Variants in COL22A1 observed in about 807,000 individuals in gnomAD.
The protein encoded by COL22A1 is collagen alpha-1(XXII) chain.
Under a neutral mutation model 248.9 loss-of-function variants are expected in COL22A1, and 221 were observed. That is an observed-to-expected ratio of 0.89 (90% CI 0.80 to 0.99). The LOEUF (loss-of-function observed/expected upper bound fraction) is 0.99. Ranked by LOEUF, COL22A1 falls within the 50% of genes least tolerant of loss-of-function variation. The probability of loss-of-function intolerance (pLI) is 0.00; values close to 1 mark genes in which losing one functional copy is unlikely to be tolerated. For synonymous variants in COL22A1, 891 were observed against 793.4 expected (o/e 1.12, Z -2.07); for missense variants, 2,240 against 2,179.0 (o/e 1.03, Z -0.56).
chr8:138,756,004 G>C (rs1832972539), intron 18 of COL22A1, among the ~76,000 whole-genome samples, 175 bp from the exon 19 acceptor site: 1 of 152,126 alleles, frequency 6.6e-6, no homozygotes, highest in Admixed American at 6.5e-5. Context: ...CAAAGTTCGG[G>C]TTCTGATCCT....
chr8:138,903,793 C>T (rs1587007737), intron 1 of COL22A1, among the ~76,000 whole-genome samples: 1 of 152,272 alleles, frequency 6.6e-6, no homozygotes, highest in East Asian at 1.9e-4. Flanking sequence ...GGCCCCACAT[C>T]CCCCTGGATG....
chr8:138,684,393 G>T (rs764601121), intron 39 of COL22A1, 32 bp downstream of exon 39: 1 of 1,530,812 alleles, frequency 6.5e-7, no homozygotes, highest in South Asian at 1.1e-5. Context: ...GGCAACTCGT[G>T]GCACCCACAG....
intron 12 of COL22A1, among the ~76,000 whole-genome samples, chr8:138,793,208 A>C (rs78110007): frequency 0.026 from 3,939 of 152,314 alleles, 97 homozygotes; most frequent in African/African-American, 0.061. Flanking sequence ...ATTACTTTGG[A>C]GACAACGGTC....
intron 4 of COL22A1, among the ~76,000 whole-genome samples, chr8:138,835,642 G>T (rs1463572454): frequency 6.6e-6 from 1 of 152,148 alleles, no homozygotes; most frequent in Admixed American, 6.5e-5. Context: ...CTGAACATAG[G>T]GCCTCACTCT....
chr8:138,878,291 C>T lies in COL22A1; in HGVS notation c.117G>A (p.Leu39=). The T allele has an allele frequency of 4.5e-6, 7 of 1,564,874 alleles. No individual in the cohort carries two copies. The highest frequency in any genetic ancestry group is 6.1e-6 in the Non-Finnish European group (7 of 1,154,776). The part of the protein sequence containing the change: ...RAGCKSVHYD[L]VFLLDTSSSV... ...TGGAGGAGGTGTCCAGGAGGAAGACCAGATCGTAGTGGACACTTTTGCAAC... is the reference window on the plus strand; with the variant it reads ...TGGAGGAGGTGTCCAGGAGGAAGACTAGATCGTAGTGGACACTTTTGCAAC... Residue 39 remains leucine (L), a synonymous_variant, in exon 3 of 65, where the codon CTG becomes CTA. Coordinates refer to ENST00000303045, the MANE Select transcript of COL22A1 (RefSeq NM_152888.3).
intron 36 of COL22A1, among the ~76,000 whole-genome samples, chr8:138,689,947 G>T (rs1475005603): frequency 2.0e-5 from 3 of 152,214 alleles, no homozygotes; most frequent in Non-Finnish European, 4.4e-5. Context: ...CTCCCAGCCA[G>T]AAGAATGCAG....
intron 47 of COL22A1, 85 bp downstream of exon 47, chr8:138,646,544 C>T: frequency 9.3e-7 from 1 of 1,072,142 alleles, no homozygotes; most frequent in Non-Finnish European, 1.3e-6. Flanking sequence ...CTCCTTTACA[C>T]TGGCCATCAC....
chr8:138,685,932 C>T (rs1826314261), intron 37 of COL22A1, among the ~76,000 whole-genome samples: 1 of 152,150 alleles, frequency 6.6e-6, no homozygotes, highest in Admixed American at 6.5e-5. Context: ...CCAGTGCGGG[C>T]AAATCTATTT....
chr8:138,767,125 T>A (rs1034445954), intron 16 of COL22A1, among the ~76,000 whole-genome samples: 2 of 152,212 alleles, frequency 1.3e-5, no homozygotes, highest in Non-Finnish European at 2.9e-5. Flanking sequence ...ATAATATTAA[T>A]ACTTACCCAG....
At chr8:138,897,255 A>G (rs1038309087) in intron 1 of COL22A1, among the ~76,000 whole-genome samples, 1 of 152,082 alleles carries the variant, frequency 6.6e-6, no homozygotes, top group African/African-American at 2.4e-5. Flanking sequence ...CCTTCCACAA[A>G]TAATAGCTTA....
chr8:138,667,610 A>C (rs1302830353), intron 41 of COL22A1, among the ~76,000 whole-genome samples: 2 of 152,356 alleles, frequency 1.3e-5, no homozygotes, highest in Non-Finnish European at 2.9e-5. Flanking sequence ...CAAGGGAAAG[A>C]CTTCAAGCAT....
At chr8:138,647,777 T>C (rs1459551145) in intron 46 of COL22A1, among the ~76,000 whole-genome samples, 1 of 152,132 alleles carries the variant, frequency 6.6e-6, no homozygotes, top group African/African-American at 2.4e-5. Context: ...GTAGCAGTTG[T>C]AGTAAACACA....
In COL22A1 at chr8:138,598,665, C is replaced by T. The variant is rs559937350; in HGVS notation, c.4365+54G>A. On this transcript the variant is annotated intron_variant, in intron 61 of 64. Transcript: ENST00000303045. ...CTCTGAAGTCCACACACTTCCCTGGCTCCCCCTTAGGCCCCGAGGAGCCCC... is the reference window on the plus strand; with the variant it reads ...CTCTGAAGTCCACACACTTCCCTGGTTCCCCCTTAGGCCCCGAGGAGCCCC... 180 of 1,532,650 alleles carry T rather than the reference C, an allele frequency of 1.2e-4. 2 individuals are homozygous for T. In the South Asian group the frequency reaches 1.9e-3, roughly 16 times the overall value. 94.9% of individuals were successfully genotyped at this position (1,532,650 alleles called of 1,614,324 possible).
intron 34 of COL22A1, 62 bp downstream of exon 34, chr8:138,694,446 G>C: frequency 3.3e-6 from 5 of 1,521,668 alleles, no homozygotes; most frequent in Non-Finnish European, 4.6e-6. Flanking sequence ...GGCCTGGAGC[G>C]AGAGAGTGTG....
chr8:138,728,108 C>T (rs1830457464), intron 23 of COL22A1, among the ~76,000 whole-genome samples: 1 of 152,214 alleles, frequency 6.6e-6, no homozygotes, highest in Admixed American at 6.5e-5. Flanking sequence ...TCATAGCTCA[C>T]TGCAGCCTCC....
intron 3 of COL22A1, among the ~76,000 whole-genome samples, chr8:138,862,040 A>AAAAAAAAAG (rs1822515998): frequency 4.8e-5 from 7 of 146,952 alleles, no homozygotes; most frequent in African/African-American, 1.8e-4. Context: ...AAAAAAAAAA[A>AAAAAAAAAG]AAAAAAAGAA....
chr8:138,636,291 G>C lies in COL22A1; in HGVS notation c.3555+451C>G, dbSNP rs574298466. On this transcript the variant is annotated intron_variant, in intron 48 of 64. Transcript: ENST00000303045. The stretch of plus-strand genomic sequence containing the variant: ...GCACATTAGGAGCAGTGGTCCAGCA[G>C]GCCTGGATGGGCACTGATCTGATCA... Among the ~76,000 whole-genome samples the C allele has an allele frequency of 9.9e-5, 15 of 151,856 alleles. 1 individual carries two copies. In the South Asian group the frequency reaches 3.1e-3, roughly 32 times the overall value.
chr8:138,845,395 G>C (rs961482324), intron 3 of COL22A1, among the ~76,000 whole-genome samples: 1 of 152,032 alleles, frequency 6.6e-6, no homozygotes, highest in Non-Finnish European at 1.5e-5. Context: ...GGTAACCCCA[G>C]CTACTCAGGA....
chr8:138,841,549 G>A (rs1820881930), intron 4 of COL22A1, among the ~76,000 whole-genome samples: 1 of 152,110 alleles, frequency 6.6e-6, no homozygotes, highest in Admixed American at 6.5e-5. Flanking sequence ...CTGCATCTTT[G>A]GGGGCTAGCA....
Sources: gnomAD v4.1 joint callset for allele counts (sites outside exome capture counted in the v4.1 genomes callset) on GRCh38, gnomAD v4.1.1 for gene constraint, MANE v1.5 for transcripts, NCBI Gene and HGNC (gene_info 2026-07-23, HGNC 2026-07-21) for gene names.